Variants in CFDP1 observed in about 807,000 individuals in gnomAD.
The protein encoded by CFDP1 is chromatin remodeling protein CFDP1.
Under a neutral mutation model 40.1 loss-of-function variants are expected in CFDP1, and 31 were observed. The ratio of observed to expected loss-of-function variants is 0.77; its 90% CI spans 0.58 to 1.04. CFDP1 has a LOEUF of 1.04. Ranked by LOEUF, CFDP1 falls within the 50% of genes least tolerant of loss-of-function variation. The pLI, the probability that CFDP1 is intolerant of heterozygous loss-of-function variation, is 0.00. For missense variants in CFDP1, 423 were observed against 343.4 expected (o/e 1.23, Z -1.83); for synonymous variants, 167 against 120.0 (o/e 1.39, Z -2.56).
At chr16:75,318,623 C>T (rs1408684518) in intron 5 of CFDP1, among the ~76,000 whole-genome samples, 1 of 152,070 alleles carries the variant, frequency 6.6e-6, no homozygotes, top group Non-Finnish European at 1.5e-5. Context: ...CCAGGATGGT[C>T]TCGATCTCCT....
chr16:75,404,438 G>T (rs2079081541), intron 4 of CFDP1, among the ~76,000 whole-genome samples: 1 of 151,802 alleles, frequency 6.6e-6, no homozygotes, highest in Admixed American at 6.6e-5. Flanking sequence ...AGCCAGGATG[G>T]TCTCGATCTC....
At chr16:75,422,662 T>C (rs2079293514) in intron 1 of CFDP1, among the ~76,000 whole-genome samples, 1 of 151,764 alleles carries the variant, frequency 6.6e-6, no homozygotes, top group East Asian at 1.9e-4. Context: ...CCCAAAGTGC[T>C]GGGATTACAG....
intron 5 of CFDP1, among the ~76,000 whole-genome samples, chr16:75,353,500 C>T (rs1026073952): frequency 3.3e-5 from 5 of 152,020 alleles, no homozygotes; most frequent in South Asian, 2.1e-4. Flanking sequence ...CGGTGGCTCA[C>T]GCCTGTAATC....
At chr16:75,306,877 TCACA>T (rs59846343) in intron 5 of CFDP1, among the ~76,000 whole-genome samples, 957 of 135,632 alleles carry the variant, frequency 7.1e-3, no homozygotes, top group Middle Eastern at 0.019. Flanking sequence ...GTGCGCGTGA[TCACA>T]CACACACACA....
chr16:75,329,194 C>A (rs1011840887), intron 5 of CFDP1, among the ~76,000 whole-genome samples: 1 of 152,058 alleles, frequency 6.6e-6, no homozygotes, highest in African/African-American at 2.4e-5. Flanking sequence ...CCATGTTGGC[C>A]GGGCTGGTCT....
At chr16:75,427,102 A>G (rs1001866821) in intron 1 of CFDP1, among the ~76,000 whole-genome samples, 2 of 152,074 alleles carry the variant, frequency 1.3e-5, no homozygotes, top group African/African-American at 4.8e-5. Context: ...TCCAGAATAT[A>G]TAATTCCAAA....
intron 5 of CFDP1, among the ~76,000 whole-genome samples, chr16:75,356,237 T>G (rs2078643330): frequency 6.6e-6 from 1 of 152,316 alleles, no homozygotes; most frequent in Middle Eastern, 3.4e-3. Flanking sequence ...TCACAGCTTG[T>G]CAGGAGTGAA....
chr16:75,418,349 A>G (rs1226283288), intron 1 of CFDP1, among the ~76,000 whole-genome samples: 1 of 122,012 alleles, frequency 8.2e-6, no homozygotes, highest in Non-Finnish European at 1.6e-5. Flanking sequence ...TCTGTCGCCC[A>G]GGCTAGAGTG....
intron 1 of CFDP1, among the ~76,000 whole-genome samples, chr16:75,431,454 C>CAAAAAAAAAAA (rs60902612): frequency 8.4e-5 from 5 of 59,588 alleles, no homozygotes; most frequent in South Asian, 7.8e-4. Context: ...ACTCTTGTCT[C>CAAAAAAAAAAA]AAAAAAAAAA....
intron 6 of CFDP1, among the ~76,000 whole-genome samples, chr16:75,300,939 A>G (rs1468259519): frequency 1.3e-5 from 2 of 152,132 alleles, no homozygotes; most frequent in Non-Finnish European, 2.9e-5. Context: ...CCAGCCAGGG[A>G]TTCTGGGAGG....
chr16:75,411,092 C>A (rs1025519366), intron 4 of CFDP1, among the ~76,000 whole-genome samples: 4 of 152,070 alleles, frequency 2.6e-5, no homozygotes, highest in Admixed American at 2.0e-4. Flanking sequence ...GTTGCACAGG[C>A]TTGCAATCCC....
intron 5 of CFDP1, among the ~76,000 whole-genome samples, chr16:75,343,053 G>A (rs1300752611): frequency 1.3e-5 from 2 of 152,144 alleles, no homozygotes; most frequent in Non-Finnish European, 2.9e-5. Context: ...GAGCTCCCTG[G>A]AAGAAAACAA....
At chr16:75,295,227 T>A (rs2078174162) in intron 6 of CFDP1, among the ~76,000 whole-genome samples, 1 of 152,202 alleles carries the variant, frequency 6.6e-6, no homozygotes, top group African/African-American at 2.4e-5. Flanking sequence ...GTACCATCCA[T>A]CCTACCTCAT....
intron 5 of CFDP1, among the ~76,000 whole-genome samples, chr16:75,391,921 T>C (rs1808435): frequency 0.52 from 78,716 of 151,372 alleles, 21,437 homozygotes; most frequent in Admixed American, 0.64. Context: ...TGAGCCGAGA[T>C]CGCGCCACTG....
In CFDP1 at chr16:75,305,175, T is replaced by G. The variant is rs1241418582; in HGVS notation, c.658A>C (p.Arg220=). 2 of 1,613,638 alleles carry G rather than the reference T, an allele frequency of 1.2e-6. No homozygotes were observed. The highest frequency in any genetic ancestry group is 2.2e-5 in the South Asian group (2 of 90,964). The change falls in exon 6 of 7, where the codon AGA becomes CGA. Residue 220 remains arginine (R), a synonymous_variant. Coordinates refer to ENST00000283882, the MANE Select transcript of CFDP1 (RefSeq NM_006324.3). ...AAAAGGCTGCTCATGCCACTTGATC[T>G]TTTTAACCTAAGGAAAGAAAATATG... ...PSLPAGSGLK[R]SSGMSSLLGK...
chr16:75,362,003 G>A (rs1263059169), intron 5 of CFDP1, among the ~76,000 whole-genome samples: 1 of 152,132 alleles, frequency 6.6e-6, no homozygotes, highest in Admixed American at 6.5e-5. Context: ...GAAGTCATTT[G>A]TACAAAATGA....
intron 5 of CFDP1, among the ~76,000 whole-genome samples, chr16:75,363,942 AACACACACACACAC>A (rs10635711): frequency 2.1e-5 from 3 of 142,830 alleles, no homozygotes; most frequent in Non-Finnish European, 3.0e-5. Flanking sequence ...AAAGAGGTGA[AACACACACACACAC>A]ACACACACAC....
chr16:75,317,499 G>C (rs2078331439), intron 5 of CFDP1, among the ~76,000 whole-genome samples: 1 of 152,208 alleles, frequency 6.6e-6, no homozygotes, highest in Non-Finnish European at 1.5e-5. Flanking sequence ...ATGGAAACTA[G>C]ATTCTGCCTG....
At chr16:75,412,870 A>G (rs2079175094) in intron 2 of CFDP1, 116 bp from the exon 3 acceptor site, 1 of 747,940 alleles carries the variant, frequency 1.3e-6, no homozygotes, top group African/African-American at 1.7e-5. Context: ...TTCTGGGACT[A>G]CTGGTTAATA....
Sources: gnomAD v4.1 joint callset for allele counts (sites outside exome capture counted in the v4.1 genomes callset) on GRCh38, gnomAD v4.1.1 for gene constraint, MANE v1.5 for transcripts, NCBI Gene and HGNC (gene_info 2026-07-23, HGNC 2026-07-21) for gene names.